Variants in KCNT1 observed in about 807,000 individuals in gnomAD.
KCNT1 encodes the protein potassium sodium-activated channel subfamily T member 1.
KCNT1 carries 78 observed loss-of-function variants against 147.8 expected under a neutral mutation model. The observed-to-expected ratio is 0.53, with a 90% CI of 0.44 to 0.64. The LOEUF is 0.64. Ranked by LOEUF, KCNT1 falls within the 30% of genes least tolerant of loss-of-function variation. The pLI is 0.00. For missense variants in KCNT1, 1,419 were observed against 1,750.3 expected, an observed-to-expected ratio of 0.81 and a Z score of 3.38; for synonymous variants, 867 against 748.8, an observed-to-expected ratio of 1.16 and a Z score of -2.58.
chr9:135,779,484 C>T lies in KCNT1; in HGVS notation c.2841+14C>T. 1 of 1,566,562 alleles carries T rather than the reference C, an allele frequency of 6.4e-7. No homozygotes were observed. Among genetic ancestry groups the T allele is most frequent in the Non-Finnish European group, 8.8e-7 (1 of 1,137,120 alleles). ...AAACTAGAAAAGGTGAGCAGCCCTGCCCCGTGCCAGCTGCCACCCCAGAAT... is the reference window on the plus strand; with the variant it reads ...AAACTAGAAAAGGTGAGCAGCCCTGTCCCGTGCCAGCTGCCACCCCAGAAT... On this transcript the variant is annotated intron_variant, in intron 24 of 30. Coordinates refer to ENST00000371757, the MANE Select transcript of KCNT1 (RefSeq NM_020822.3).
At chr9:135,754,800 A>G (rs990786462) in intron 5 of KCNT1, among the ~76,000 whole-genome samples, 1 of 152,134 alleles carries the variant, frequency 6.6e-6, no homozygotes, top group African/African-American at 2.4e-5. Context: ...TCCAGAGAGG[A>G]GAAGCTTTGC....
At chr9:135,745,575 T>G (rs1830786877) in intron 2 of KCNT1, among the ~76,000 whole-genome samples, 1 of 152,222 alleles carries the variant, frequency 6.6e-6, no homozygotes, top group African/African-American at 2.4e-5. Flanking sequence ...AGCCTCTCAA[T>G]GGAGCCTGTG....
At chr9:135,791,404 T>TCTCGGTG in intron 29 of KCNT1, 1 of 255,926 alleles carries the variant, frequency 3.9e-6, no homozygotes, top group Non-Finnish European at 7.7e-6. Context: ...CAGGTGTAGA[T>TCTCGGTG]GAAGGCATGC....
chr9:135,780,616 G>C (rs1418221558), intron 24 of KCNT1, among the ~76,000 whole-genome samples: 4 of 152,198 alleles, frequency 2.6e-5, no homozygotes, highest in African/African-American at 7.2e-5. Context: ...AGGCGTAGGG[G>C]GATGCTCGGG....
rs759524379 is a variant in KCNT1 at position 135,755,186 on chromosome 9, GC to G, written c.540+23del. ...GCGATCCAGGTGAGTGCCCTACCCTGCCCCCCTCCCGACTGCAGTGGTGCTC... is the reference window on the plus strand; with the variant it reads ...GCGATCCAGGTGAGTGCCCTACCCTGCCCCCTCCCGACTGCAGTGGTGCTC... On this transcript the variant is annotated intron_variant, in intron 6 of 30. Transcript: ENST00000371757. 1.0e-5 allele frequency: 16 copies of G among 1,603,142 alleles called. No individual in the cohort carries two copies. The highest frequency in any genetic ancestry group is 2.2e-5 in the East Asian group (1 of 44,572).
intron 11 of KCNT1, among the ~76,000 whole-genome samples, chr9:135,763,293 A>AGTGCCC (rs1463371140): frequency 7.7e-6 from 1 of 129,246 alleles, no homozygotes; most frequent in Non-Finnish European, 1.7e-5. Context: ...GGTGGGCTGC[A>AGTGCCC]GTGCCCTTGC....
In KCNT1 at chr9:135,770,463, A is replaced by C; in HGVS notation, c.1769+16A>C. 3 of 1,601,452 alleles carry C rather than the reference A, an allele frequency of 1.9e-6. No homozygotes were observed. Among genetic ancestry groups the C allele is most frequent in the Middle Eastern group, 1.7e-4 (1 of 5,996 alleles). ...CCCACAAGAAGTAAGGCCGGGCTGC[A>C]TCCACAGGGCTGGCGCTCCAGGGCT... On this transcript the variant is annotated intron_variant, in intron 17 of 30. Coordinates refer to ENST00000371757, the MANE Select transcript of KCNT1 (RefSeq NM_020822.3).
chr9:135,747,113 G>T (rs1443589110), intron 2 of KCNT1, among the ~76,000 whole-genome samples: 1 of 152,096 alleles, frequency 6.6e-6, no homozygotes, highest in Non-Finnish European at 1.5e-5. Flanking sequence ...AGGCACCTGT[G>T]GCAAGCCCTG....
At chr9:135,759,622 G>A in intron 10 of KCNT1, 57 bp from the exon 11 acceptor site, 1 of 1,531,800 alleles carries the variant, frequency 6.5e-7, no homozygotes, top group Non-Finnish European at 8.8e-7. Context: ...ATCTCTGAGG[G>A]GCCACGGCCC....
chr9:135,748,678 G>A (rs546604236), intron 2 of KCNT1, among the ~76,000 whole-genome samples: 13 of 152,344 alleles, frequency 8.5e-5, no homozygotes, highest in South Asian at 4.1e-4. Flanking sequence ...CCTCCTCCAC[G>A]CAGCCGTCCA....
chr9:135,743,079 G>T (rs189090931), intron 2 of KCNT1, among the ~76,000 whole-genome samples: 1 of 152,132 alleles, frequency 6.6e-6, no homozygotes, highest in Admixed American at 6.5e-5. Flanking sequence ...CAGGAGAGGC[G>T]GATGGCAGAG....
At chr9:135,732,022 A>AGAGAGAGAGAGAGG (rs1836492667) in intron 2 of KCNT1, among the ~76,000 whole-genome samples, 3 of 129,428 alleles carry the variant, frequency 2.3e-5, no homozygotes, top group Admixed American at 1.5e-4. Context: ...AGAGAGAGAG[A>AGAGAGAGAGAGAGG]GAGAGAGAGA....
At chr9:135,767,874 C>A (rs1832397995) in intron 13 of KCNT1, among the ~76,000 whole-genome samples, 1 of 152,050 alleles carries the variant, frequency 6.6e-6, no homozygotes. Context: ...CCCTAGGAAG[C>A]ACCATGGGCT....
chr9:135,731,991 T>TATATATAG (rs1276318460), intron 2 of KCNT1, among the ~76,000 whole-genome samples: 26 of 21,728 alleles, frequency 1.2e-3, no homozygotes, highest in South Asian at 6.6e-3. Flanking sequence ...TATATATATA[T>TATATATAG]AGAGAGAGAG....
In KCNT1 at chr9:135,784,026, G is replaced by A; in HGVS notation, c.2844G>A (p.Arg948=). ...YSLALSKLEK[R]ERENGSNLAF... ...CTGAGGCCCCTCCTTTCCCACAGAG[G>A]GAGCGAGAGAATGGCTCCAACCTGG... Residue 948 remains arginine (R), a splice_region_variant and synonymous_variant, in exon 25 of 31, where the codon AGG becomes AGA. Coordinates refer to ENST00000371757, the MANE Select transcript of KCNT1 (RefSeq NM_020822.3). 2 of 1,606,482 alleles carry A rather than the reference G, an allele frequency of 1.2e-6. No individual in the cohort carries two copies. The highest frequency in any genetic ancestry group is 1.7e-6 in the Non-Finnish European group (2 of 1,179,844).
chr9:135,706,241 G>C (rs561269322), intron 1 of KCNT1, among the ~76,000 whole-genome samples: 1 of 152,200 alleles, frequency 6.6e-6, no homozygotes, highest in African/African-American at 2.4e-5. Context: ...TGTTGGCGTC[G>C]GGAGCTTGCA....
chr9:135,720,996 G>T (rs996901093), intron 2 of KCNT1, among the ~76,000 whole-genome samples: 1 of 152,230 alleles, frequency 6.6e-6, no homozygotes, highest in Non-Finnish European at 1.5e-5. Flanking sequence ...GGGCACGAGG[G>T]ACACACGGCC....
intron 19 of KCNT1, among the ~76,000 whole-genome samples, chr9:135,773,994 G>C (rs868436417): frequency 6.6e-6 from 1 of 152,114 alleles, no homozygotes; most frequent in Non-Finnish European, 1.5e-5. Flanking sequence ...GAGAAAGACC[G>C]AGTAGGGCAT....
At chr9:135,785,756 G>A (rs1363834929) in intron 28 of KCNT1, 3 of 439,694 alleles carry the variant, frequency 6.8e-6, no homozygotes, top group Non-Finnish European at 1.3e-5. Flanking sequence ...CCAGGTTCGG[G>A]GCCTCCAAAG....
Sources: allele counts gnomAD v4.1 joint callset (sites outside exome capture counted in the v4.1 genomes callset), GRCh38; gene constraint gnomAD v4.1.1; transcripts MANE v1.5; gene names NCBI Gene and HGNC (gene_info 2026-07-23, HGNC 2026-07-21).